The following UMAD1 variants were observed in gnomAD, a reference collection of about 807,000 sequenced individuals.
The protein encoded by UMAD1 is UBAP1-MVB12-associated (UMA)-domain containing protein 1.
A neutral mutation model predicts 6.1 loss-of-function variants in UMAD1; 8 were observed. The ratio of observed to expected loss-of-function variants is 1.30; its 90% CI spans 0.76 to 2.35. UMAD1 has a LOEUF of 2.35. Ranked by LOEUF, UMAD1 falls within the 30% of genes most tolerant of loss-of-function variation. The pLI is 0.00. For synonymous variants in UMAD1, 56 were observed against 31.4 expected (o/e 1.78, Z -2.61); for missense variants, 130 against 78.4 (o/e 1.66, Z -2.49).
chr7:7,693,275 T>A (rs1022771403), intron 2 of UMAD1, among the ~76,000 whole-genome samples: 13 of 144,416 alleles, frequency 9.0e-5, no homozygotes. Flanking sequence ...TAAATATGAA[T>A]AGTTACTCTT....
At chr7:7,828,412 A>G (rs1783390162) in intron 3 of UMAD1, among the ~76,000 whole-genome samples, 1 of 152,218 alleles carries the variant, frequency 6.6e-6, no homozygotes, top group African/African-American at 2.4e-5. Context: ...CTGTGGCACA[A>G]ACTCAAATTC....
At chr7:7,818,986 A>T (rs990457528) in intron 3 of UMAD1, among the ~76,000 whole-genome samples, 5 of 152,124 alleles carry the variant, frequency 3.3e-5, no homozygotes, top group African/African-American at 1.2e-4. Context: ...AGTAGCTGGG[A>T]TTGCAGATGC....
intron 2 of UMAD1, among the ~76,000 whole-genome samples, chr7:7,685,105 C>A (rs1219436489): frequency 6.6e-6 from 1 of 151,942 alleles, no homozygotes; most frequent in Non-Finnish European, 1.5e-5. Flanking sequence ...GGATGAGACT[C>A]TAAGTAAAAT....
At chr7:7,643,278 C>T (rs929460134) in intron 1 of UMAD1, among the ~76,000 whole-genome samples, 3 of 152,136 alleles carry the variant, frequency 2.0e-5, no homozygotes, top group Non-Finnish European at 2.9e-5. Flanking sequence ...AGGTACACTC[C>T]ACCGGAAAAA....
chr7:7,716,470 C>A (rs574987274), intron 2 of UMAD1, among the ~76,000 whole-genome samples: 4 of 152,186 alleles, frequency 2.6e-5, no homozygotes, highest in African/African-American at 9.7e-5. Flanking sequence ...GATAAGCAAG[C>A]TGGAAGCTTG....
rs572057706 is a variant in UMAD1 at position 7,680,734 on chromosome 7, A to G, written c.82+7281A>G. ...CTTTGGTTGCTTTCATCAGTATTTT[A>G]TAATTTTTATTTTAGAGATCTTTCA... On this transcript the variant is annotated intron_variant, in intron 2 of 3. Transcript: ENST00000682710. 2.6e-5 allele frequency among the ~76,000 whole-genome samples: 4 copies of G among 151,960 alleles called. 1 individual carries two copies. The highest frequency in any genetic ancestry group is 9.6e-5 in the African/African-American group (4 of 41,466).
At chr7:7,643,544 C>T (rs993999184) in intron 1 of UMAD1, among the ~76,000 whole-genome samples, 1 of 152,140 alleles carries the variant, frequency 6.6e-6, no homozygotes, top group Non-Finnish European at 1.5e-5. Context: ...AACCCTGTCT[C>T]TACTAAATAT....
intron 2 of UMAD1, among the ~76,000 whole-genome samples, chr7:7,678,407 T>C (rs1779803603): frequency 6.9e-6 from 1 of 145,274 alleles, no homozygotes; most frequent in African/African-American, 2.5e-5. Context: ...TATTCAGATA[T>C]ATAAAAAAAT....
intron 1 of UMAD1, chr7:7,641,249 CG>C (rs1563074245): frequency 6.6e-6 from 1 of 152,244 alleles, no homozygotes; most frequent in Non-Finnish European, 1.5e-5. Flanking sequence ...GCGGAGGCGC[CG>C]GTTCTTTCAC....
At chr7:7,659,479 T>C (rs983063628) in intron 1 of UMAD1, among the ~76,000 whole-genome samples, 2 of 152,240 alleles carry the variant, frequency 1.3e-5, no homozygotes, top group African/African-American at 4.8e-5. Context: ...GCTTTAGATG[T>C]GTCCCAGGGA....
At chr7:7,705,754 T>C (rs1406512608) in intron 2 of UMAD1, among the ~76,000 whole-genome samples, 3 of 152,130 alleles carry the variant, frequency 2.0e-5, no homozygotes, top group African/African-American at 7.2e-5. Context: ...TCATAGAATA[T>C]AAAATAAAAA....
intron 2 of UMAD1, among the ~76,000 whole-genome samples, chr7:7,720,147 A>G (rs1781013480): frequency 6.6e-6 from 1 of 152,258 alleles, no homozygotes; most frequent in African/African-American, 2.4e-5. Flanking sequence ...GTTCAGAAGT[A>G]GAATACTTAG....
intron 2 of UMAD1, among the ~76,000 whole-genome samples, chr7:7,724,889 C>T (rs768695951): frequency 8.5e-5 from 13 of 152,200 alleles, no homozygotes; most frequent in Admixed American, 6.5e-4. Context: ...GGCTTTGTGT[C>T]ATAATGTTAT....
chr7:7,706,263 C>G (rs1297863840), intron 2 of UMAD1, among the ~76,000 whole-genome samples: 1 of 152,074 alleles, frequency 6.6e-6, no homozygotes, highest in African/African-American at 2.4e-5. Context: ...CAAAAAGAGT[C>G]TAAAAATTAT....
intron 2 of UMAD1, among the ~76,000 whole-genome samples, chr7:7,753,742 G>A (rs925373525): frequency 6.6e-6 from 1 of 152,206 alleles, no homozygotes; most frequent in African/African-American, 2.4e-5. Context: ...ACATGGGAGT[G>A]CAGATATCTC....
chr7:7,753,505 A>G (rs976703279), intron 2 of UMAD1, among the ~76,000 whole-genome samples: 1 of 152,322 alleles, frequency 6.6e-6, no homozygotes, highest in African/African-American at 2.4e-5. Flanking sequence ...GATCCCACGA[A>G]TAAGTGAGAG....
At chr7:7,791,722 C>G (rs192180792) in intron 2 of UMAD1, among the ~76,000 whole-genome samples, 74 of 152,246 alleles carry the variant, frequency 4.9e-4, no homozygotes, top group African/African-American at 1.8e-3. Flanking sequence ...TAGGACTGAC[C>G]GGTGGATATG....
intron 3 of UMAD1, among the ~76,000 whole-genome samples, chr7:7,866,051 A>G (rs955170036): frequency 1.3e-5 from 2 of 152,242 alleles, no homozygotes; most frequent in African/African-American, 4.8e-5. Context: ...ATTTAATACC[A>G]TCCATAGTTT....
intron 3 of UMAD1, among the ~76,000 whole-genome samples, chr7:7,849,108 G>A (rs529111473): frequency 3.9e-5 from 6 of 152,150 alleles, no homozygotes; most frequent in Non-Finnish European, 8.8e-5. Flanking sequence ...AGGTAATAGT[G>A]ACTAACATTT....
Sources: gnomAD v4.1 joint callset for allele counts (sites outside exome capture counted in the v4.1 genomes callset) on GRCh38, gnomAD v4.1.1 for gene constraint, MANE v1.5 for transcripts, NCBI Gene and HGNC (gene_info 2026-07-23, HGNC 2026-07-21) for gene names.